RIMS1: variants seen among roughly 807,000 people sequenced by gnomAD.
The protein encoded by RIMS1 is regulating synaptic membrane exocytosis 1.
Under a neutral mutation model 214.1 loss-of-function variants are expected in RIMS1, and 83 were observed. That is an observed-to-expected ratio of 0.39 (90% confidence interval 0.32 to 0.47). RIMS1 has a LOEUF of 0.47. RIMS1 is among the 20% of genes least tolerant of loss of function. The pLI is 0.99. For synonymous variants in RIMS1, 793 were observed against 786.8 expected (o/e 1.01, Z -0.13); for missense variants, 2,050 against 2,161.8 (o/e 0.95, Z 1.03).
In RIMS1 at chr6:72,155,112, C is replaced by A. The variant is rs2044260152; in HGVS notation, c.472-24463C>A. 1.4e-5 allele frequency among the ~76,000 whole-genome samples: 2 copies of A among 140,394 alleles called. 1 individual carries two copies. The allele number at this position is 140,394 out of a possible 152,430, so 92.1% of individuals were successfully genotyped here. ...ATAAGCATCTTGCATAGAGAGCTGG[C>A]TGGCCAGGAAACCATTTTCTCCTAG... On this transcript the variant is annotated intron_variant, in intron 4 of 33. Coordinates refer to ENST00000521978, the MANE Select transcript of RIMS1 (RefSeq NM_014989.7).
chr6:71,889,315 G>C (rs1768871121), intron 1 of RIMS1, among the ~76,000 whole-genome samples: 1 of 152,180 alleles, frequency 6.6e-6, no homozygotes, highest in Non-Finnish European at 1.5e-5. Context: ...GCAATTATAA[G>C]ATTGTATGGG....
At chr6:71,955,148 G>A (rs1790856464) in intron 1 of RIMS1, among the ~76,000 whole-genome samples, 1 of 151,742 alleles carries the variant, frequency 6.6e-6, no homozygotes, top group African/African-American at 2.4e-5. Context: ...TTATGAATAA[G>A]ACTACTATGA....
intron 1 of RIMS1, among the ~76,000 whole-genome samples, chr6:71,891,345 A>G (rs564367483): frequency 3.3e-5 from 5 of 152,340 alleles, no homozygotes; most frequent in East Asian, 1.9e-4. Flanking sequence ...TGATTTATAA[A>G]GAGTATTGAC....
intron 6 of RIMS1, among the ~76,000 whole-genome samples, chr6:72,222,461 A>C (rs910987399): frequency 2.6e-5 from 4 of 152,116 alleles, no homozygotes; most frequent in African/African-American, 9.6e-5. Flanking sequence ...GTTATTATTT[A>C]CAGTGCATTT....
intron 5 of RIMS1, among the ~76,000 whole-genome samples, chr6:72,180,832 C>T (rs749231745): frequency 6.6e-6 from 1 of 152,126 alleles, no homozygotes; most frequent in East Asian, 1.9e-4. Context: ...AAAGCCCATA[C>T]AGTAAAAGAT....
chr6:72,389,657 A>G (rs980535986), intron 29 of RIMS1, among the ~76,000 whole-genome samples: 5 of 152,216 alleles, frequency 3.3e-5, no homozygotes, highest in African/African-American at 7.2e-5. Flanking sequence ...TTCATATATT[A>G]TTAATGGGTA....
intron 29 of RIMS1, among the ~76,000 whole-genome samples, chr6:72,373,883 A>G (rs1022792292): frequency 2.0e-5 from 3 of 152,140 alleles, no homozygotes; most frequent in African/African-American, 7.2e-5. Context: ...GAGTAGTGAG[A>G]TGAAAACTAA....
chr6:71,992,430 C>CTTTCT (rs1554175591), intron 2 of RIMS1, among the ~76,000 whole-genome samples: 51 of 137,580 alleles, frequency 3.7e-4, no homozygotes, highest in African/African-American at 1.3e-3. Context: ...TTCTTTCTTT[C>CTTTCT]TTTCTTTCTT....
At position 72,196,373 on chromosome 6, in the gene RIMS1, G is replaced by GTTTGTCTA. The variant is rs1183303526; in HGVS notation, c.1678+13225_1678+13226insTTGTCTAT. The stretch of plus-strand genomic sequence containing the variant: ...CCTCTGTCTGTCTGTCTGTCTGTCT[G>GTTTGTCTA]TCTGTCTATCTATCTATCTATCTAT... On this transcript the variant is annotated intron_variant, in intron 6 of 33. Coordinates refer to ENST00000521978, the MANE Select transcript of RIMS1 (RefSeq NM_014989.7). 4.5e-3 allele frequency among the ~76,000 whole-genome samples: 457 copies of GTTTGTCTA among 102,394 alleles called. 2 individuals are homozygous for GTTTGTCTA. Among genetic ancestry groups the GTTTGTCTA allele is most frequent in the East Asian group, 0.014 (36 of 2,658 alleles). 67.2% of individuals were successfully genotyped at this position (102,394 alleles called of 152,430 possible).
At chr6:72,118,040 C>T (rs957729075) in intron 4 of RIMS1, among the ~76,000 whole-genome samples, 6 of 151,528 alleles carry the variant, frequency 4.0e-5, no homozygotes, top group Non-Finnish European at 5.9e-5. Context: ...GATTAACCAA[C>T]AAAAGAAGAA....
intron 29 of RIMS1, among the ~76,000 whole-genome samples, chr6:72,350,587 TTTTGTTC>T (rs75980745): frequency 0.19 from 28,754 of 151,920 alleles, 3,354 homozygotes; most frequent in South Asian, 0.26. Flanking sequence ...TTGTCTATTC[TTTTGTTC>T]TGCTTTTATA....
intron 6 of RIMS1, among the ~76,000 whole-genome samples, chr6:72,204,422 C>A (rs1487947922): frequency 6.6e-6 from 1 of 152,204 alleles, no homozygotes; most frequent in Non-Finnish European, 1.5e-5. Context: ...TGTCTTGACA[C>A]AATCACCTCT....
Position 71,997,008 on chromosome 6 carries a change from G to A in RIMS1, c.245+27945G>A, listed in dbSNP as rs756670524. On this transcript the variant is annotated intron_variant, in intron 2 of 33. Coordinates refer to ENST00000521978, the MANE Select transcript of RIMS1 (RefSeq NM_014989.7). ...GAATGACAGATCAATTTTCATCAGT[G>A]TGGTCTTATTGATATTTTAAATTTA... is the stretch of plus-strand genomic sequence containing the variant. Among the ~76,000 whole-genome samples, 35 of 152,164 alleles carry A rather than the reference G, an allele frequency of 2.3e-4. 1 individual carries two copies. The highest frequency in any genetic ancestry group is 2.9e-5 in the Non-Finnish European group (2 of 68,014).
chr6:72,268,816 C>T (rs2154181207), intron 22 of RIMS1, among the ~76,000 whole-genome samples: 1 of 152,240 alleles, frequency 6.6e-6, no homozygotes, highest in East Asian at 1.9e-4. Context: ...TACCATAATT[C>T]AGTGAATTAT....
At position 72,326,870 on chromosome 6, in the gene RIMS1, G is replaced by C. The variant is rs191758710; in HGVS notation, c.4131-6730G>C. On this transcript the variant is annotated intron_variant, in intron 28 of 33. Transcript: ENST00000521978. ...CAGGAGTGCTTATAAGTGAAAAAAG[G>C]AGGGAGCAGAGTCAGTCAAAGACAG... Among the ~76,000 whole-genome samples, 1,197 of 151,862 alleles carry C rather than the reference G, an allele frequency of 7.9e-3. 16 individuals are homozygous for C. Among genetic ancestry groups the C allele is most frequent in the Middle Eastern group, 0.02 (6 of 294 alleles).
chr6:71,889,102 G>A (rs999015141), intron 1 of RIMS1, among the ~76,000 whole-genome samples: 6 of 152,168 alleles, frequency 3.9e-5, no homozygotes, highest in Non-Finnish European at 8.8e-5. Context: ...GCAGACAGCA[G>A]GTGGATGGAG....
intron 4 of RIMS1, among the ~76,000 whole-genome samples, chr6:72,162,717 C>T (rs1449331963): frequency 7.1e-6 from 1 of 140,486 alleles, no homozygotes; most frequent in Admixed American, 7.3e-5. Context: ...ATATTGGCCC[C>T]CACTGTCTTC....
intron 1 of RIMS1, among the ~76,000 whole-genome samples, chr6:71,926,209 G>C (rs1183645315): frequency 6.6e-6 from 1 of 152,158 alleles, no homozygotes; most frequent in Non-Finnish European, 1.5e-5. Context: ...GGGATTACAG[G>C]TTTGAGCCAC....
chr6:71,991,706 G>A (rs935033232), intron 2 of RIMS1, among the ~76,000 whole-genome samples: 91 of 152,186 alleles, frequency 6.0e-4, no homozygotes, highest in African/African-American at 2.1e-3. Flanking sequence ...CTAGTGGGAA[G>A]TACAAATGTA....
Sources: gnomAD v4.1 joint callset for allele counts (sites outside exome capture counted in the v4.1 genomes callset) on GRCh38, gnomAD v4.1.1 for gene constraint, MANE v1.5 for transcripts, NCBI Gene and HGNC (gene_info 2026-07-23, HGNC 2026-07-21) for gene names.